Variants in CNTN5 observed in about 807,000 individuals in gnomAD.
CNTN5 encodes the protein contactin-5.
Under a neutral mutation model 129.1 loss-of-function variants are expected in CNTN5, and 77 were observed. The ratio of observed to expected loss-of-function variants is 0.60; its 90% CI spans 0.50 to 0.72. The LOEUF is 0.72. Ranked by LOEUF, CNTN5 falls within the 30% of genes least tolerant of loss-of-function variation. The pLI, the probability that CNTN5 is intolerant of heterozygous loss-of-function variation, is 0.00. For missense variants in CNTN5, 1,478 were observed against 1,328.8 expected (o/e 1.11, Z -1.75); for synonymous variants, 509 against 465.6 (o/e 1.09, Z -1.20).
At chr11:99,118,910 A>G (rs2135401575) in intron 1 of CNTN5, among the ~76,000 whole-genome samples, 1 of 151,908 alleles carries the variant, frequency 6.6e-6, no homozygotes, top group South Asian at 2.1e-4. Context: ...ATTATACCTT[A>G]ATTATGCTGT....
intron 3 of CNTN5, among the ~76,000 whole-genome samples, chr11:99,650,259 T>A (rs1171488435): frequency 6.6e-6 from 1 of 151,946 alleles, no homozygotes; most frequent in Non-Finnish European, 1.5e-5. Flanking sequence ...CTACTCATGT[T>A]CGGAGTCAGT....
intron 2 of CNTN5, among the ~76,000 whole-genome samples, chr11:99,459,304 T>G (rs542852778): frequency 3.0e-4 from 46 of 152,066 alleles, no homozygotes; most frequent in African/African-American, 1.1e-3. Flanking sequence ...GAAAATGAAT[T>G]TTTTTCTAGG....
At chr11:100,184,122 A>G (rs1284614832) in intron 13 of CNTN5, among the ~76,000 whole-genome samples, 1 of 152,114 alleles carries the variant, frequency 6.6e-6, no homozygotes, top group Non-Finnish European at 1.5e-5. Flanking sequence ...TTTCTGTGTT[A>G]TTTCCTGGCA....
At chr11:99,035,933 A>G (rs967760128) in intron 1 of CNTN5, among the ~76,000 whole-genome samples, 2 of 151,028 alleles carry the variant, frequency 1.3e-5, no homozygotes, top group Admixed American at 6.6e-5. Flanking sequence ...CATGTTTAGC[A>G]CTTCCTTCTG....
At chr11:99,733,089 G>T (rs1565472181) in intron 3 of CNTN5, among the ~76,000 whole-genome samples, 1 of 152,002 alleles carries the variant, frequency 6.6e-6, no homozygotes, top group Non-Finnish European at 1.5e-5. Flanking sequence ...ATTTTGGGAG[G>T]CCGAGGTGCA....
chr11:99,785,012 G>C (rs919640692), intron 3 of CNTN5, among the ~76,000 whole-genome samples: 3 of 151,464 alleles, frequency 2.0e-5, no homozygotes, highest in African/African-American at 7.3e-5. Flanking sequence ...TGTTAGCCAG[G>C]ATGATCTCTA....
chr11:100,114,141 C>T (rs1408162522), intron 13 of CNTN5, among the ~76,000 whole-genome samples: 1 of 152,042 alleles, frequency 6.6e-6, no homozygotes, highest in Non-Finnish European at 1.5e-5. Context: ...CAGTTTAAAA[C>T]AAAACTACCT....
intron 24 of CNTN5, 53 bp downstream of exon 24, chr11:100,350,923 G>T: frequency 7.3e-7 from 1 of 1,375,384 alleles, no homozygotes; most frequent in Non-Finnish European, 9.8e-7. Context: ...ATTACGAGAT[G>T]GTATGAAAGT....
chr11:99,733,391 A>T, intron 3 of CNTN5, among the ~76,000 whole-genome samples: 1 of 132,580 alleles, frequency 7.5e-6, no homozygotes, highest in Non-Finnish European at 1.7e-5. Flanking sequence ...ACTATGTCTC[A>T]TTGCTCATGA....
At chr11:100,051,348 T>C (rs1942944323) in intron 9 of CNTN5, among the ~76,000 whole-genome samples, 1 of 152,000 alleles carries the variant, frequency 6.6e-6, no homozygotes, top group Admixed American at 6.6e-5. Context: ...AAGAATACTT[T>C]AAAAATCACC....
chr11:99,764,613 T>C (rs1421784795), intron 3 of CNTN5, among the ~76,000 whole-genome samples: 1 of 152,062 alleles, frequency 6.6e-6, no homozygotes, highest in Non-Finnish European at 1.5e-5. Context: ...TTGGGGTTTC[T>C]TCATGTTGGT....
chr11:100,354,906 G>A (rs1952489430), intron 24 of CNTN5, among the ~76,000 whole-genome samples: 1 of 151,652 alleles, frequency 6.6e-6, no homozygotes, highest in African/African-American at 2.4e-5. Flanking sequence ...GCAGTTAACA[G>A]GAACAGAGCT....
chr11:99,875,559 C>A (rs1052799233), intron 6 of CNTN5, among the ~76,000 whole-genome samples: 3 of 152,026 alleles, frequency 2.0e-5, no homozygotes, highest in African/African-American at 4.8e-5. Context: ...ATTCGTAGTT[C>A]TGTGTGCACT....
At chr11:99,417,716 T>A (rs1942721049) in intron 2 of CNTN5, among the ~76,000 whole-genome samples, 1 of 152,158 alleles carries the variant, frequency 6.6e-6, no homozygotes. Flanking sequence ...CATTCTTTTG[T>A]AAATTCATGG....
At chr11:100,035,491 T>C (rs553465513) in intron 9 of CNTN5, among the ~76,000 whole-genome samples, 1 of 146,996 alleles carries the variant, frequency 6.8e-6, no homozygotes, top group African/African-American at 2.6e-5. Flanking sequence ...TACCCAGTAA[T>C]GGGATGGCTG....
intron 6 of CNTN5, among the ~76,000 whole-genome samples, chr11:99,862,025 T>G (rs1948221656): frequency 6.6e-6 from 1 of 152,134 alleles, no homozygotes; most frequent in Admixed American, 6.6e-5. Flanking sequence ...AATATAAAAT[T>G]TATAATCTTA....
At position 99,662,684 on chromosome 11, in the gene CNTN5, T is replaced by G. The variant is rs191910045; in HGVS notation, c.55+106415T>G. On this transcript the variant is annotated intron_variant, in intron 3 of 24. Transcript: ENST00000524871. ...TGTATTTAGCATCATTATATTCTAA[T>G]TTTAGGAGCTCAAGTACATTTGAAC... Among the ~76,000 whole-genome samples, 5 of 152,304 alleles carry G rather than the reference T, an allele frequency of 3.3e-5. No homozygotes were observed. The East Asian group carries it at 9.6e-4, about 29-fold the overall frequency.
intron 1 of CNTN5, among the ~76,000 whole-genome samples, chr11:99,251,375 G>C (rs1862095612): frequency 6.6e-6 from 1 of 151,850 alleles, no homozygotes. Context: ...TGTTGAGGGA[G>C]ACAAGATAAA....
rs1951585202 is a variant in CNTN5, at chr11:100,317,049, T to TG, written c.2730+8581_2730+8582insG. On this transcript the variant is annotated intron_variant, in intron 21 of 24. Coordinates refer to ENST00000524871, the MANE Select transcript of CNTN5 (RefSeq NM_014361.4). Reference sequence around the variant, plus strand: ...AGAGGATATGCAACTCAGAAGTTCATTTTAGACATGTCACTAAAGCCATTT... The same window carrying TG: ...AGAGGATATGCAACTCAGAAGTTCATGTTTAGACATGTCACTAAAGCCATTT... Among the ~76,000 whole-genome samples, 6 of 152,346 alleles carry TG rather than the reference T, an allele frequency of 3.9e-5. No individual in the cohort carries two copies. In the South Asian group the frequency reaches 1.2e-3, roughly 32 times the overall value.
Sources: gnomAD v4.1 joint callset for allele counts (sites outside exome capture counted in the v4.1 genomes callset) on GRCh38, gnomAD v4.1.1 for gene constraint, MANE v1.5 for transcripts, NCBI Gene and HGNC (gene_info 2026-07-23, HGNC 2026-07-21) for gene names.